The following TBCD variants were observed in gnomAD, a reference collection of about 807,000 sequenced individuals.
TBCD encodes tubulin-specific chaperone D.
Under a neutral mutation model 169.3 loss-of-function variants are expected in TBCD, and 105 were observed. That is an observed-to-expected ratio of 0.62 (90% CI 0.53 to 0.73). The LOEUF (loss-of-function observed/expected upper bound fraction) is 0.73. Among genes scored for constraint, TBCD ranks in the 30% least tolerant of loss-of-function variants. TBCD has a pLI of 0.00. For missense variants in TBCD, 1,444 were observed against 1,600.1 expected, an observed-to-expected ratio of 0.90 and a Z score of 1.66; for synonymous variants, 700 against 643.9, an observed-to-expected ratio of 1.09 and a Z score of -1.32.
At chr17:82,772,188 C>G (rs942624471) in intron 5 of TBCD, among the ~76,000 whole-genome samples, 1 of 152,162 alleles carries the variant, frequency 6.6e-6, no homozygotes, top group Non-Finnish European at 1.5e-5. Context: ...TCTGTTCTTG[C>G]AAATGTGTGT....
At position 82,927,832 on chromosome 17, in the gene TBCD, G is replaced by A. The variant is rs148445251; in HGVS notation, c.2610-73G>A. The A allele has an allele frequency of 3.0e-4, 412 of 1,355,566 alleles. No homozygotes were observed. The African/African-American group carries it at 5.2e-3, about 17-fold the overall frequency. The allele number at this position is 1,355,566 out of a possible 1,614,324, so 84.0% of individuals were successfully genotyped here. On this transcript the variant is annotated intron_variant, in intron 29 of 38. Coordinates refer to ENST00000355528, the MANE Select transcript of TBCD (RefSeq NM_005993.5). The stretch of plus-strand genomic sequence containing the variant: ...GGGTGTCGAATTCACACAGGCTGCC[G>A]GCGTGGTGGGCAGAACCAGGGTTGG...
chr17:82,933,625 T>TG (rs2062392145), intron 34 of TBCD, among the ~76,000 whole-genome samples: 1 of 151,416 alleles, frequency 6.6e-6, no homozygotes, highest in Admixed American at 6.6e-5. Context: ...TGCTTTTTTT[T>TG]TGTTTGTTTT....
At chr17:82,773,539 G>A (rs1315385361) in intron 6 of TBCD, among the ~76,000 whole-genome samples, 1 of 152,146 alleles carries the variant, frequency 6.6e-6, no homozygotes, top group Admixed American at 6.5e-5. Context: ...GGGGTGTGAT[G>A]GCCCCTGTCT....
intron 14 of TBCD, among the ~76,000 whole-genome samples, chr17:82,883,252 G>C (rs946269269): frequency 1.8e-4 from 28 of 152,374 alleles, no homozygotes; most frequent in African/African-American, 6.5e-4. Context: ...TGGCGGCCTT[G>C]GAGGCCGCTT....
rs1454422819 is a variant in TBCD, at chr17:82,907,762, C to T, written c.1924C>T (p.Pro642Ser). 6.2e-7 allele frequency: 1 copy of T among 1,613,772 alleles called. No individual in the cohort carries two copies. The highest frequency in any genetic ancestry group is 2.2e-5 in the East Asian group (1 of 44,870). Residue 642 changes from proline to serine, a missense_variant and splice_region_variant, in exon 21 of 39, where the codon CCC becomes TCC. Physicochemically the swap from Pro to Ser is moderately conservative, Grantham distance 74. Transcript: ENST00000355528. Reference protein sequence around the residue: ...LYKLAAQENRPVTDHLDEQAV... With the variant: ...LYKLAAQENRSVTDHLDEQAV... ...AGCTCTGTGTTTGAACTTCTGCAGG[C>T]CCGTCACGGACCATCTGGACGAGCA...
In TBCD at chr17:82,942,433, C is replaced by T. The variant is rs755740156; in HGVS notation, c.3565-16C>T. The stretch of plus-strand genomic sequence containing the variant: ...TTGGAGCTGACCAGCCTGAGCTTGT[C>T]TTGTCTCTTCTTCAGCCTGGTGCCT... On this transcript the variant is annotated splice_polypyrimidine_tract_variant and intron_variant, in intron 38 of 38. Coordinates refer to ENST00000355528, the MANE Select transcript of TBCD (RefSeq NM_005993.5). 4.3e-6 allele frequency: 7 copies of T among 1,613,846 alleles called. No individual in the cohort carries two copies. The highest frequency in any genetic ancestry group is 5.9e-6 in the Non-Finnish European group (7 of 1,179,898).
intron 21 of TBCD, 101 bp downstream of exon 21, chr17:82,907,922 C>A: frequency 7.9e-7 from 1 of 1,271,468 alleles, no homozygotes; most frequent in Non-Finnish European, 1.1e-6. Flanking sequence ...TCCTGGTGGC[C>A]ACTGTGCTCC....
chr17:82,836,687 CA>C (rs559997152), intron 13 of TBCD, among the ~76,000 whole-genome samples: 61 of 116,828 alleles, frequency 5.2e-4, no homozygotes, highest in African/African-American at 6.7e-4. Context: ...TACTTTTAGG[CA>C]AAAAAAAAAA....
intron 14 of TBCD, among the ~76,000 whole-genome samples, chr17:82,878,849 C>T (rs1010241391): frequency 1.1e-4 from 16 of 152,120 alleles, no homozygotes; most frequent in Admixed American, 8.5e-4. Context: ...AAGGAAGGCT[C>T]GTTCCTCTCC....
rs745650014 is a variant in TBCD at position 82,833,044 on chromosome 17, C to T, written c.1318+18110C>T. On this transcript the variant is annotated intron_variant, in intron 13 of 38. Transcript: ENST00000355528. This position sits in a 1 kb window ranked among gnomAD's most constrained non-coding sequence, Gnocchi z 4.7. ...CCCCCTCCCAGGGTCTGGACAGAGT[C>T]CTGTCCCAGGGCTGCCCGACTCTGC... 6.6e-6 allele frequency among the ~76,000 whole-genome samples: 1 copy of T among 152,116 alleles called. No individual in the cohort carries two copies. Among genetic ancestry groups the T allele is most frequent in the Non-Finnish European group, 1.5e-5 (1 of 68,030 alleles).
intron 7 of TBCD, among the ~76,000 whole-genome samples, chr17:82,795,152 C>T (rs538084412): frequency 2.0e-5 from 3 of 152,354 alleles, no homozygotes; most frequent in South Asian, 2.1e-4. Flanking sequence ...AACTAAACAA[C>T]GTTCATGTGT....
chr17:82,846,271 T>C lies in TBCD; in HGVS notation c.1319-23953T>C, dbSNP rs537766920. ...TCCACGCGCTGCGTCCTCTGTGCTG[T>C]GTCCTCTTGTCCAGCCCTCTGCTGC... On this transcript the variant is annotated intron_variant, in intron 13 of 38. Transcript: ENST00000355528. Among the ~76,000 whole-genome samples, 610 of 117,824 alleles carry C rather than the reference T, an allele frequency of 5.2e-3. 23 individuals are homozygous for C. The highest frequency in any genetic ancestry group is 7.2e-3 in the Non-Finnish European group (366 of 50,672). 77.3% of individuals were successfully genotyped at this position (117,824 alleles called of 152,430 possible).
rs530633825 is a variant in TBCD at position 82,875,947 on chromosome 17, G to A, written c.1475+5567G>A. Among the ~76,000 whole-genome samples, 3 of 152,276 alleles carry A rather than the reference G, an allele frequency of 2.0e-5. No individual in the cohort carries two copies. The South Asian group carries it at 6.2e-4, about 32-fold the overall frequency. On this transcript the variant is annotated intron_variant, in intron 14 of 38. Transcript: ENST00000355528. ...GGGGGTTAGGAAAATTCAGCCATAG[G>A]CAGGTCCGATATGATTTGCAACTTT...
intron 7 of TBCD, among the ~76,000 whole-genome samples, chr17:82,785,858 G>GGTCCAT (rs1260361496): frequency 1.4e-5 from 2 of 147,356 alleles, no homozygotes; most frequent in Non-Finnish European, 3.0e-5. Flanking sequence ...GCGGGAGGGG[G>GGTCCAT]GTCCATGCTG....
At chr17:82,856,816 G>A (rs1439233482) in intron 13 of TBCD, among the ~76,000 whole-genome samples, 2 of 133,174 alleles carry the variant, frequency 1.5e-5, no homozygotes, top group South Asian at 5.3e-4. Flanking sequence ...GGGCGGGATC[G>A]CTGGACCGCG....
rs572049683 is a variant in TBCD at position 82,762,926 on chromosome 17, G to A, written c.236-1039G>A. ...TGTATCTCGTTGTGTCCTTCTCTGC[G>A]TTTCCCGGATGCCAGTTGCAGTTGT... On this transcript the variant is annotated intron_variant, in intron 2 of 38. Coordinates refer to ENST00000355528, the MANE Select transcript of TBCD (RefSeq NM_005993.5). 2.0e-4 allele frequency among the ~76,000 whole-genome samples: 31 copies of A among 152,136 alleles called. 1 individual carries two copies. The South Asian group carries it at 4.4e-3, about 21-fold the overall frequency.
chr17:82,935,982 G>A (rs924998118), intron 34 of TBCD, among the ~76,000 whole-genome samples: 27 of 152,154 alleles, frequency 1.8e-4, no homozygotes, highest in African/African-American at 6.5e-4. Flanking sequence ...CAGCTGTTTC[G>A]TTGTAGCACA....
Position 82,930,576 on chromosome 17 carries a change from C to G in TBCD, c.3046C>G (p.Pro1016Ala), listed in dbSNP as rs1453475578. The G allele has an allele frequency of 1.9e-6, 3 of 1,613,886 alleles. No individual in the cohort carries two copies. The highest frequency in any genetic ancestry group is 1.7e-5 in the Admixed American group (1 of 60,020). The change falls in exon 33 of 39, where the codon CCG becomes GCG. Residue 1016 changes from proline (P) to alanine (A), a missense_variant. By Grantham distance (27) the Pro-to-Ala change is conservative (BLOSUM62 -1). Coordinates refer to ENST00000355528, the MANE Select transcript of TBCD (RefSeq NM_005993.5). The surrounding 1 kb of genome is among the most constrained non-coding windows in gnomAD (Gnocchi z 5.2). ...GTACATGAAGGGCATTCAGAGCGAC[C>G]CGCAGGCCCTGGGCAGCTTCAGCGG... ...FEYMKGIQSD[P>A]QALGSFSGTL...
intron 5 of TBCD, among the ~76,000 whole-genome samples, chr17:82,769,042 A>G (rs1568105842): frequency 6.6e-6 from 1 of 152,222 alleles, no homozygotes; most frequent in African/African-American, 2.4e-5. Context: ...AGCTTATTGT[A>G]TTAGTTATCT....
Sources: gnomAD v4.1 joint callset for allele counts (sites outside exome capture counted in the v4.1 genomes callset) on GRCh38, gnomAD v4.1.1 for gene constraint, Gnocchi (gnomAD v3.1) non-coding constraint, MANE v1.5 for transcripts, NCBI Gene and HGNC (gene_info 2026-07-23, HGNC 2026-07-21) for gene names.